The following IPO4 variants were observed in gnomAD, a reference collection of about 807,000 sequenced individuals.
IPO4 encodes importin-4.
A neutral mutation model predicts 133.5 loss-of-function variants in IPO4; 91 were observed. That is an observed-to-expected ratio of 0.68 (90% CI 0.58 to 0.81). The LOEUF is 0.81. IPO4 is among the 30% of genes least tolerant of loss of function. IPO4 has a pLI of 0.00. For missense variants in IPO4, 1,279 were observed against 1,386.2 expected, an observed-to-expected ratio of 0.92 and a Z score of 1.23; for synonymous variants, 607 against 581.6, an observed-to-expected ratio of 1.04 and a Z score of -0.63.
At position 24,183,375 on chromosome 14, in the gene IPO4, G is replaced by A. The variant is rs750100832; in HGVS notation, c.2122-20C>T. 41 of 1,598,878 alleles carry A rather than the reference G, an allele frequency of 2.6e-5. No homozygotes were observed. The highest frequency in any genetic ancestry group is 3.1e-5 in the Non-Finnish European group (36 of 1,171,674). Reference sequence around the variant, plus strand: ...AGGGCACTGCAGGATGAGGAGGGGCGGGATATGTCTGCTATGTGCACCGTG... The same window carrying A: ...AGGGCACTGCAGGATGAGGAGGGGCAGGATATGTCTGCTATGTGCACCGTG... On this transcript the variant is annotated intron_variant, in intron 21 of 29. Transcript: ENST00000354464.
intron 12 of IPO4, 141 bp from the exon 13 acceptor site, chr14:24,185,708 C>T: frequency 1.1e-6 from 1 of 929,370 alleles, no homozygotes; most frequent in Non-Finnish European, 1.7e-6. Context: ...GTCCCTATAG[C>T]TGGTAAGCCA....
chr14:24,181,904 G>A (rs2138808129), intron 26 of IPO4, 51 bp downstream of exon 26: 1 of 1,606,978 alleles, frequency 6.2e-7, no homozygotes, highest in Non-Finnish European at 8.5e-7. Context: ...TGCAAGCCCT[G>A]GGGACACTCC....
At chr14:24,184,242 G>A in intron 17 of IPO4, 56 bp downstream of exon 17, 2 of 1,566,616 alleles carry the variant, frequency 1.3e-6, no homozygotes, top group Non-Finnish European at 1.7e-6. Flanking sequence ...AGTGGGTCCA[G>A]TGGGAAGACA....
In IPO4 at chr14:24,188,746, C is replaced by T. The variant is rs780508209; in HGVS notation, c.42G>A (p.Leu14=). 32 of 1,544,884 alleles carry T rather than the reference C, an allele frequency of 2.1e-5. No homozygotes were observed. The highest frequency in any genetic ancestry group is 1.8e-4 in the East Asian group (8 of 44,102). ...AGLEQLLREL[L]LPDTERIRRA... ...GACGGATGCGCTCGGTGTCCGGTAGCAGCAGCTCCCGTAGGAGCTGCTCTA... is the reference window on the plus strand; with the variant it reads ...GACGGATGCGCTCGGTGTCCGGTAGTAGCAGCTCCCGTAGGAGCTGCTCTA... Residue 14 remains leucine, a synonymous_variant, in exon 1 of 30, where the codon CTG becomes CTA. Coordinates refer to ENST00000354464, the MANE Select transcript of IPO4 (RefSeq NM_024658.4).
chr14:24,183,413 C>G lies in IPO4; in HGVS notation c.2121+43G>C, dbSNP rs774371912. 8.1e-6 allele frequency: 13 copies of G among 1,596,466 alleles called. No homozygotes were observed. In the East Asian group the frequency reaches 2.9e-4, roughly 36 times the overall value. ...TATGTGCACCGTGAACACAGGGCCC[C>G]CAGCCTGAGAACCCCACCCACTCCA... is the stretch of plus-strand genomic sequence containing the variant. On this transcript the variant is annotated intron_variant, in intron 21 of 29. Transcript: ENST00000354464.
chr14:24,186,575 C>G, intron 9 of IPO4, 124 bp from the exon 10 acceptor site: 1 of 1,373,890 alleles, frequency 7.3e-7, no homozygotes, highest in Non-Finnish European at 1.0e-6. Context: ...CAGGCAGGAG[C>G]TGGGGTGAGG....
chr14:24,181,879 T>C lies in IPO4; in HGVS notation c.2808-36A>G, dbSNP rs756016788. 11 of 1,603,888 alleles carry C rather than the reference T, an allele frequency of 6.9e-6. No homozygotes were observed. In the East Asian group the frequency reaches 1.6e-4, roughly 23 times the overall value. Reference sequence around the variant, plus strand: ...GTCAAGGAATGGCCACACGCTCAGGTAGACCTTGCCCACCTGCAAGCCCTG... The same window carrying C: ...GTCAAGGAATGGCCACACGCTCAGGCAGACCTTGCCCACCTGCAAGCCCTG... On this transcript the variant is annotated intron_variant, in intron 26 of 29. Transcript: ENST00000354464.
At chr14:24,182,506 T>G (rs965258012) in intron 24 of IPO4, 103 bp from the exon 25 acceptor site, 23 of 1,486,908 alleles carry the variant, frequency 1.5e-5, no homozygotes, top group Non-Finnish European at 2.0e-5. Flanking sequence ...GGGGCTGCCC[T>G]TGGTTGATAG....
At chr14:24,185,723 AT>A in intron 12 of IPO4, 137 bp downstream of exon 12, 1 of 920,142 alleles carries the variant, frequency 1.1e-6, no homozygotes, top group Non-Finnish European at 1.7e-6. Context: ...AAGCCATGTC[AT>A]TTATCTTCCA....
chr14:24,185,341 T>C (rs773176121), intron 13 of IPO4, 29 bp from the exon 14 acceptor site: 1 of 1,613,666 alleles, frequency 6.2e-7, no homozygotes, highest in Non-Finnish European at 8.5e-7. Flanking sequence ...AGGGCCTGAG[T>C]CAGGTTCACC....
At chr14:24,182,510 T>C in intron 24 of IPO4, 107 bp from the exon 25 acceptor site, 1 of 1,459,226 alleles carries the variant, frequency 6.9e-7, no homozygotes, top group South Asian at 1.3e-5. Context: ...CTGCCCTTGG[T>C]TGATAGGGCT....
chr14:24,186,495 A>G (rs772214598), intron 9 of IPO4, 44 bp from the exon 10 acceptor site: 3 of 1,527,218 alleles, frequency 2.0e-6, no homozygotes, highest in Admixed American at 2.1e-5. Flanking sequence ...ATCTGCTCCC[A>G]GGATGGGCTC....
At chr14:24,185,019 CT>C in intron 14 of IPO4, 39 bp from the exon 15 acceptor site, 3 of 1,600,104 alleles carry the variant, frequency 1.9e-6, no homozygotes, top group Non-Finnish European at 2.6e-6. Flanking sequence ...CAACCCAGGT[CT>C]GCTACCTGCA....
rs2138811002 is a variant in IPO4, at chr14:24,183,244, C to T, written c.2227+6G>A. 6.2e-7 allele frequency: 1 copy of T among 1,613,242 alleles called. No homozygotes were observed. The highest frequency in any genetic ancestry group is 2.2e-5 in the East Asian group (1 of 44,858). ...GAACCCCCAGCCTGGCCCAGCCTCT[C>T]CTCACCAGCAGTGTTGGGTTCCGAG... On this transcript the variant is annotated splice_donor_region_variant and intron_variant, in intron 22 of 29. Transcript: ENST00000354464.
rs1305970664 is a variant in IPO4 at position 24,188,788 on chromosome 14, GGCA to G, written c.-4_-2del. On this transcript the variant is annotated 5_prime_UTR_variant, in exon 1 of 30. Coordinates refer to ENST00000354464, the MANE Select transcript of IPO4 (RefSeq NM_024658.4). ...GCTGCTCTAGCCCGGCTGACTCCAT[GGCA>G]GCAACTGAGCCGCCGCTACTGGGCC... 6.7e-7 allele frequency: 1 copy of G among 1,501,532 alleles called. No homozygotes were observed. Among genetic ancestry groups the G allele is most frequent in the Non-Finnish European group, 8.9e-7 (1 of 1,127,356 alleles). 93.0% of individuals were successfully genotyped at this position (1,501,532 alleles called of 1,614,324 possible). A position where few individuals can be genotyped will look rare whatever the true frequency, so the allele number is the denominator to read the frequency against.
chr14:24,182,490 G>A, intron 24 of IPO4, 87 bp from the exon 25 acceptor site: 1 of 1,527,676 alleles, frequency 6.5e-7, no homozygotes, highest in Non-Finnish European at 8.8e-7. Context: ...AGCTGCAGGG[G>A]TCCCTGGGGC....
rs761179222 is a variant in IPO4 at position 24,183,657 on chromosome 14, C to G, written c.1996G>C (p.Glu666Gln). The change falls in exon 20 of 30, where the codon GAG (glutamate) becomes CAG (glutamine). Residue 666 changes from glutamate to glutamine, a missense_variant. By Grantham distance (29) the Glu-to-Gln change is conservative (BLOSUM62 2). This residue lies in a region of IPO4 where 575 missense variants were observed against 653.4 expected (regional missense o/e 0.88). Coordinates refer to ENST00000354464, the MANE Select transcript of IPO4 (RefSeq NM_024658.4). ...TCCTTCTCATCGAAGAAGGCATTCT[C>G]CACGCTGTACCTAGAGTAAGAAGGG... ...DDSEISGYSV[E>Q]NAFFDEKEDT... 5.6e-6 allele frequency: 9 copies of G among 1,614,014 alleles called. No individual in the cohort carries two copies. The East Asian group carries it at 1.1e-4, about 20-fold the overall frequency.
chr14:24,185,538 C>A lies in IPO4; in HGVS notation c.1199G>T (p.Cys400Phe), dbSNP rs374928334. Residue 400 changes from cysteine (C) to phenylalanine (F), a missense_variant, in exon 13 of 30, where the codon TGC becomes TTC. Coordinates refer to ENST00000354464, the MANE Select transcript of IPO4 (RefSeq NM_024658.4). ...TTGCGAGGGGTCCTCCAGGCCCTTG[C>A]ACACAATCTGCAGCAGTGGGGGCAG... Reference protein sequence around the residue: ...RLLPPLLQIVCKGLEDPSQVV... With the variant: ...RLLPPLLQIVFKGLEDPSQVV... The A allele has an allele frequency of 1.9e-6, 3 of 1,614,186 alleles. No individual in the cohort carries two copies. The highest frequency in any genetic ancestry group is 2.5e-6 in the Non-Finnish European group (3 of 1,180,026).
At chr14:24,188,692 C>T in intron 1 of IPO4, 27 bp downstream of exon 1, 2 of 1,599,816 alleles carry the variant, frequency 1.3e-6, no homozygotes, top group Non-Finnish European at 1.7e-6. Context: ...TCCCGCTCGC[C>T]CTGGCCCGGT....
Sources: gnomAD v4.1 joint callset for allele counts on GRCh38, gnomAD v4.1.1 for gene constraint, gnomAD v4.1.1 regional missense constraint, MANE v1.5 for transcripts, NCBI Gene and HGNC (gene_info 2026-07-23, HGNC 2026-07-21) for gene names.